MIER2: variants seen among roughly 807,000 people sequenced by gnomAD.
MIER2 encodes MIER family member 2, also known as mesoderm induction early response protein 2.
In MIER2, 30 loss-of-function variants were observed where a neutral mutation model predicts 67.6. That is an observed-to-expected ratio of 0.44 (90% CI 0.33 to 0.60). The LOEUF is 0.60. Ranked by LOEUF, MIER2 falls within the 20% of genes least tolerant of loss-of-function variation. The pLI is 0.02. For missense variants in MIER2, 702 were observed against 745.1 expected (o/e 0.94, Z 0.67); for synonymous variants, 372 against 312.6 (o/e 1.19, Z -2.00).
chr19:341,119 T>G (rs892256797), intron 1 of MIER2, among the ~76,000 whole-genome samples: 4 of 152,112 alleles, frequency 2.6e-5, no homozygotes, highest in South Asian at 2.1e-4. Context: ...GAAATCACCC[T>G]CAGCCCCCTC....
chr19:324,327 G>A (rs900459454), intron 7 of MIER2, among the ~76,000 whole-genome samples: 3 of 134,006 alleles, frequency 2.2e-5, no homozygotes, highest in Non-Finnish European at 4.6e-5. Flanking sequence ...CAGACAACTC[G>A]AATGACACAG....
At chr19:332,037 T>G (rs1015972077) in intron 3 of MIER2, among the ~76,000 whole-genome samples, 2 of 152,218 alleles carry the variant, frequency 1.3e-5, no homozygotes, top group African/African-American at 4.8e-5. Flanking sequence ...TTCAAAGAGA[T>G]ATGGAAAACT....
chr19:322,166 A>G (rs1849807946), intron 7 of MIER2, among the ~76,000 whole-genome samples: 1 of 152,146 alleles, frequency 6.6e-6, no homozygotes, highest in African/African-American at 2.4e-5. Context: ...CGGCCTCCCA[A>G]AGTGCTGGGA....
chr19:344,130 G>T, intron 1 of MIER2: 1 of 985,438 alleles, frequency 1.0e-6, no homozygotes, highest in Non-Finnish European at 1.2e-6. Flanking sequence ...CTTCGTGCCC[G>T]GGAGAGGCTG....
At chr19:338,010 A>G (rs2145552723) in intron 1 of MIER2, among the ~76,000 whole-genome samples, 1 of 151,802 alleles carries the variant, frequency 6.6e-6, no homozygotes, top group Middle Eastern at 3.4e-3. Flanking sequence ...TGTCTCTACT[A>G]AAAATGTAAA....
intron 1 of MIER2, among the ~76,000 whole-genome samples, chr19:338,946 C>T (rs1380819186): frequency 6.6e-6 from 1 of 152,082 alleles, no homozygotes; most frequent in Admixed American, 6.6e-5. Flanking sequence ...CAAAACCACA[C>T]AACTTTTCGG....
chr19:344,724 G>C lies in MIER2; in HGVS notation c.9+50C>G, dbSNP rs937265848. The C allele has an allele frequency of 2.1e-4, 232 of 1,112,006 alleles. 1 individual carries two copies. Among genetic ancestry groups the C allele is most frequent in the Non-Finnish European group, 3.5e-5 (32 of 902,262 alleles). 68.9% of individuals were successfully genotyped at this position (1,112,006 alleles called of 1,614,324 possible). ...CGAGGCCGAGCCACGGCGGCGGGGG[G>C]CGCGGACGCGCGGGGGCGGGGGGCC... On this transcript the variant is annotated intron_variant, in intron 1 of 13. Coordinates refer to ENST00000264819, the MANE Select transcript of MIER2 (RefSeq NM_017550.3).
At chr19:330,114 G>A (rs928600970) in intron 3 of MIER2, 2 of 152,152 alleles carry the variant, frequency 1.3e-5, no homozygotes, top group Non-Finnish European at 2.9e-5. Context: ...AAAGGCACCT[G>A]GCAGGCGCTG....
At chr19:319,231 G>A (rs569379778) in intron 7 of MIER2, among the ~76,000 whole-genome samples, 11 of 151,856 alleles carry the variant, frequency 7.2e-5, no homozygotes, top group South Asian at 2.1e-4. Flanking sequence ...GCGTGGTGGC[G>A]GGCGCCTGTA....
At chr19:322,272 T>C (rs992160025) in intron 7 of MIER2, among the ~76,000 whole-genome samples, 3 of 152,074 alleles carry the variant, frequency 2.0e-5, no homozygotes, top group Non-Finnish European at 4.4e-5. Context: ...CAATAAATCT[T>C]CTAGAAAGAA....
In MIER2 at chr19:335,118, A is replaced by T. The variant is rs75537701; in HGVS notation, c.101-576T>A. ...TCAGATCCAGGGTTTCCCCGAAAGA[A>T]CTGGGATGTGTCACCATTCCTCTGC... On this transcript the variant is annotated intron_variant, in intron 2 of 13. Transcript: ENST00000264819. 2.6e-3 allele frequency among the ~76,000 whole-genome samples: 394 copies of T among 152,364 alleles called. 1 individual carries two copies. The highest frequency in any genetic ancestry group is 9.2e-3 in the African/African-American group (383 of 41,596).
intron 1 of MIER2, among the ~76,000 whole-genome samples, chr19:343,657 G>A (rs1358647223): frequency 1.3e-5 from 2 of 152,224 alleles, no homozygotes; most frequent in East Asian, 3.9e-4. Context: ...CGAGGCGGCT[G>A]TGCCTGGCTG....
intron 7 of MIER2, among the ~76,000 whole-genome samples, chr19:318,550 T>G (rs1432224236): frequency 6.6e-6 from 1 of 152,076 alleles, no homozygotes; most frequent in Non-Finnish European, 1.5e-5. Flanking sequence ...AAAAATTAAG[T>G]GAGAATACAG....
intron 7 of MIER2, among the ~76,000 whole-genome samples, chr19:315,290 G>A (rs929834801): frequency 1.3e-5 from 2 of 151,156 alleles, no homozygotes; most frequent in African/African-American, 2.4e-5. Context: ...ACTTGAACCC[G>A]GGAGGCAGAG....
At chr19:319,964 G>A (rs1270920447) in intron 7 of MIER2, among the ~76,000 whole-genome samples, 1 of 152,206 alleles carries the variant, frequency 6.6e-6, no homozygotes, top group Non-Finnish European at 1.5e-5. Flanking sequence ...ATACGTATAT[G>A]TTGATTTTCA....
At position 327,887 on chromosome 19, in the gene MIER2, G is replaced by C. The variant is rs140493222; in HGVS notation, c.346C>G (p.Leu116Val). The C allele has an allele frequency of 6.0e-5, 96 of 1,612,226 alleles. No individual in the cohort carries two copies. The African/African-American group carries it at 1.1e-3, about 19-fold the overall frequency. Residue 116 changes from leucine to valine, a missense_variant, in exon 4 of 14, where the codon CTC (leucine) becomes GTC (valine). This residue lies in a region of MIER2 where 320 missense variants were observed against 292.6 expected (regional missense o/e 1.09). Coordinates refer to ENST00000264819, the MANE Select transcript of MIER2 (RefSeq NM_017550.3). ...ESEGGDVAPN[L>V]PDMTLDKEQI... Reference sequence around the variant, plus strand: ...ACTTTGTCCAGGGTCATGTCTGGGAGGTTCGGGGCCACGTCACCACCCTCA... The same window carrying C: ...ACTTTGTCCAGGGTCATGTCTGGGACGTTCGGGGCCACGTCACCACCCTCA...
intron 10 of MIER2, among the ~76,000 whole-genome samples, chr19:310,803 C>T (rs1219899304): frequency 6.6e-6 from 1 of 151,166 alleles, no homozygotes; most frequent in Non-Finnish European, 1.5e-5. Flanking sequence ...AGAAACACAG[C>T]CTGGAGCTGT....
chr19:326,466 C>T (rs565024642), intron 6 of MIER2, 41 bp downstream of exon 6: 3 of 1,576,004 alleles, frequency 1.9e-6, no homozygotes, highest in African/African-American at 1.3e-5. Context: ...GGCAGAACCA[C>T]GGCCGGGATG....
chr19:332,254 A>G (rs1037862180), intron 3 of MIER2, among the ~76,000 whole-genome samples: 5 of 151,940 alleles, frequency 3.3e-5, no homozygotes, highest in African/African-American at 1.2e-4. Context: ...GCAGTGGCAC[A>G]TCTCAGCTCA....
Sources: allele counts gnomAD v4.1 joint callset (sites outside exome capture counted in the v4.1 genomes callset), GRCh38; gene constraint gnomAD v4.1.1; regional missense constraint gnomAD v4.1.1; transcripts MANE v1.5; gene names NCBI Gene and HGNC (gene_info 2026-07-23, HGNC 2026-07-21).